The following SLC20A2 variants were observed in gnomAD, a reference collection of about 807,000 sequenced individuals.
SLC20A2 encodes the protein sodium-dependent phosphate transporter 2.
In SLC20A2, 30 loss-of-function variants were observed where a neutral mutation model predicts 61.0. The ratio of observed to expected loss-of-function variants is 0.49; its 90% CI spans 0.37 to 0.67. SLC20A2 has a LOEUF of 0.67. Among genes scored for constraint, SLC20A2 ranks in the 30% least tolerant of loss-of-function variants. The pLI is 0.00. For synonymous variants in SLC20A2, 351 were observed against 353.3 expected, an observed-to-expected ratio of 0.99 and a Z score of 0.07; for missense variants, 626 against 866.4, an observed-to-expected ratio of 0.72 and a Z score of 3.48.
chr8:42,437,263 C>T lies in SLC20A2; in HGVS notation c.1249G>A (p.Val417Met), dbSNP rs1804352572. ...SSAPEDSEKL[V>M]GDTVSYSKKR... ...TTGGAGTAGGACACGGTGTCGCCCA[C>T]CAGCTTCTCACTGTCCTCTGGGGCC... The change falls in exon 8 of 11, where the codon GTG becomes ATG. Residue 417 changes from valine to methionine, a missense_variant. This residue lies in a region of SLC20A2 where 361 missense variants were observed against 422.3 expected (regional missense o/e 0.85). Coordinates refer to ENST00000520262, the MANE Select transcript of SLC20A2 (RefSeq NM_001257180.2). This position sits in a 1 kb window ranked among gnomAD's most constrained non-coding sequence, Gnocchi z 6.4. 3 of 1,614,078 alleles carry T rather than the reference C, an allele frequency of 1.9e-6. No homozygotes were observed. The highest frequency in any genetic ancestry group is 2.5e-6 in the Non-Finnish European group (3 of 1,180,036).
chr8:42,495,231 A>C (rs2131328447), intron 1 of SLC20A2, among the ~76,000 whole-genome samples: 1 of 152,338 alleles, frequency 6.6e-6, no homozygotes, highest in South Asian at 2.1e-4. Context: ...CCAAGGAAGA[A>C]ATACCAAGAA....
intron 10 of SLC20A2, among the ~76,000 whole-genome samples, chr8:42,425,549 C>T (rs937099425): frequency 1.3e-5 from 2 of 152,256 alleles, no homozygotes; most frequent in African/African-American, 4.8e-5. Flanking sequence ...AGAGCTGAGA[C>T]TCTGTCCTTA....
intron 3 of SLC20A2, among the ~76,000 whole-genome samples, chr8:42,463,564 A>G (rs972321124): frequency 6.6e-6 from 1 of 152,178 alleles, no homozygotes; most frequent in Non-Finnish European, 1.5e-5. Flanking sequence ...TTTAGCCTCT[A>G]GCCAAGTAGT....
intron 5 of SLC20A2, among the ~76,000 whole-genome samples, chr8:42,445,117 C>A (rs772318078): frequency 1.1e-3 from 168 of 151,570 alleles, no homozygotes; most frequent in Non-Finnish European, 2.0e-3. Flanking sequence ...TATAGTAAAA[C>A]CCCATCTCTA....
chr8:42,434,173 G>A (rs887367794), intron 8 of SLC20A2, among the ~76,000 whole-genome samples: 3 of 149,936 alleles, frequency 2.0e-5, no homozygotes, highest in Non-Finnish European at 4.4e-5. Context: ...TGCAACCTCC[G>A]CCTTCTGGGT....
At chr8:42,476,204 C>T (rs1249491642) in intron 1 of SLC20A2, among the ~76,000 whole-genome samples, 4 of 145,986 alleles carry the variant, frequency 2.7e-5, no homozygotes, top group African/African-American at 1.0e-4. Flanking sequence ...TCACGCCATT[C>T]TCCTGCCTCA....
At chr8:42,468,762 G>A (rs985921462) in intron 2 of SLC20A2, among the ~76,000 whole-genome samples, 24 of 152,248 alleles carry the variant, frequency 1.6e-4, no homozygotes, top group African/African-American at 5.8e-4. Flanking sequence ...GGGTGGCAGA[G>A]TGTGGCTGGG....
At chr8:42,428,867 C>T in intron 9 of SLC20A2, 25 bp from the exon 10 acceptor site, 2 of 1,546,704 alleles carry the variant, frequency 1.3e-6, no homozygotes, top group Middle Eastern at 1.7e-4. Flanking sequence ...TGAGACACGT[C>T]ACAGGTGCCC....
At chr8:42,509,983 G>T (rs1019801165) in intron 1 of SLC20A2, among the ~76,000 whole-genome samples, 13 of 152,082 alleles carry the variant, frequency 8.5e-5, no homozygotes, top group African/African-American at 2.7e-4. Context: ...ATAAGATTTT[G>T]GGGAAAAAGT....
intron 10 of SLC20A2, among the ~76,000 whole-genome samples, chr8:42,418,722 T>C (rs1305945295): frequency 2.1e-5 from 3 of 145,854 alleles, no homozygotes; most frequent in South Asian, 2.4e-4. Context: ...TTCCCGGCCG[T>C]GCGCGGTGGC....
Position 42,418,320 on chromosome 8 carries a change from T to C in SLC20A2, c.1795-353A>G, listed in dbSNP as rs184055185. ...CAGCTGAGATTACAGGCGCATGCCA[T>C]CACCCTTGGCTAATTTTCATATTTT... On this transcript the variant is annotated intron_variant, in intron 10 of 10. Coordinates refer to ENST00000520262, the MANE Select transcript of SLC20A2 (RefSeq NM_001257180.2). 1.2e-4 allele frequency among the ~76,000 whole-genome samples: 18 copies of C among 150,516 alleles called. No individual in the cohort carries two copies. The East Asian group carries it at 3.5e-3, about 30-fold the overall frequency.
At chr8:42,539,136 C>A (rs1812893612) in intron 1 of SLC20A2, among the ~76,000 whole-genome samples, 1 of 152,138 alleles carries the variant, frequency 6.6e-6, no homozygotes, top group African/African-American at 2.4e-5. Flanking sequence ...GTAAAGAAAC[C>A]CTCTTGTAAA....
intron 1 of SLC20A2, among the ~76,000 whole-genome samples, chr8:42,519,209 G>T (rs1386315299): frequency 6.6e-6 from 1 of 152,200 alleles, no homozygotes; most frequent in Non-Finnish European, 1.5e-5. Flanking sequence ...ACTTTGGGAG[G>T]CCGAGGCAGA....
chr8:42,528,596 T>A (rs1227192642), intron 1 of SLC20A2, among the ~76,000 whole-genome samples: 2 of 152,224 alleles, frequency 1.3e-5, no homozygotes. Flanking sequence ...TAGATTAAAA[T>A]CCTGGCTTAA....
chr8:42,439,913 C>T (rs539816082), intron 6 of SLC20A2, among the ~76,000 whole-genome samples: 2 of 151,936 alleles, frequency 1.3e-5, no homozygotes, highest in East Asian at 1.9e-4. Context: ...GGTGAAACCC[C>T]GTCTCTACTA....
At chr8:42,520,296 G>T (rs1811568098) in intron 1 of SLC20A2, among the ~76,000 whole-genome samples, 1 of 151,502 alleles carries the variant, frequency 6.6e-6, no homozygotes, top group African/African-American at 2.4e-5. Context: ...TTACAGGCAT[G>T]AGCCACCGCG....
chr8:42,528,098 A>G (rs1205056334), intron 1 of SLC20A2, among the ~76,000 whole-genome samples: 6 of 152,316 alleles, frequency 3.9e-5, no homozygotes, highest in Non-Finnish European at 7.3e-5. Flanking sequence ...AACCAGGAAC[A>G]AAGATATGTT....
chr8:42,440,200 A>T (rs1249392456), intron 6 of SLC20A2, among the ~76,000 whole-genome samples: 1 of 152,188 alleles, frequency 6.6e-6, no homozygotes, highest in Non-Finnish European at 1.5e-5. Flanking sequence ...GGCCCGAGTT[A>T]TCATATCCAA....
intron 1 of SLC20A2, among the ~76,000 whole-genome samples, chr8:42,513,745 A>G (rs192146179): frequency 6.6e-6 from 1 of 152,274 alleles, no homozygotes; most frequent in Admixed American, 6.5e-5. Context: ...TGTGCCCTGG[A>G]AGACAGGTAT....
Sources: allele counts gnomAD v4.1 joint callset (sites outside exome capture counted in the v4.1 genomes callset), GRCh38; gene constraint gnomAD v4.1.1; regional missense constraint gnomAD v4.1.1; non-coding constraint Gnocchi (gnomAD v3.1); transcripts MANE v1.5; gene names NCBI Gene and HGNC (gene_info 2026-07-23, HGNC 2026-07-21).